The following PEX6 variants were observed in gnomAD, a reference collection of about 807,000 sequenced individuals.
PEX6 encodes peroxisome biogenesis factor 6.
PEX6 carries 55 observed loss-of-function variants against 85.6 expected under a neutral mutation model. The ratio of observed to expected loss-of-function variants is 0.64; its 90% CI spans 0.52 to 0.80. PEX6 has a LOEUF of 0.80. Ranked by LOEUF, PEX6 falls within the 30% of genes least tolerant of loss-of-function variation. The probability of loss-of-function intolerance (pLI) is 0.00; values close to 1 mark genes in which losing one functional copy is unlikely to be tolerated. For missense variants in PEX6, 1,099 were observed against 1,260.3 expected (o/e 0.87, Z 1.94); for synonymous variants, 519 against 549.1 (o/e 0.95, Z 0.77).
intron 5 of PEX6, 99 bp from the exon 6 acceptor site, chr6:42,969,084 T>C: frequency 1.2e-6 from 1 of 834,524 alleles, no homozygotes; most frequent in Non-Finnish European, 2.0e-6. Flanking sequence ...AGATACCCTG[T>C]TTTTCTCTCC....
At chr6:42,970,132 A>T in intron 3 of PEX6, 145 bp from the exon 4 acceptor site, 1 of 720,124 alleles carries the variant, frequency 1.4e-6, no homozygotes, top group Non-Finnish European at 2.5e-6. Flanking sequence ...ATGCAGATGG[A>T]CTTTCTCATC....
At chr6:42,973,225 T>C (rs1770132885) in intron 3 of PEX6, among the ~76,000 whole-genome samples, 1 of 151,970 alleles carries the variant, frequency 6.6e-6, no homozygotes, top group South Asian at 2.1e-4. Flanking sequence ...TTGGCCAGGC[T>C]GGTCTTGAAT....
At chr6:42,966,010 G>T in intron 12 of PEX6, 34 bp downstream of exon 12, 1 of 1,609,388 alleles carries the variant, frequency 6.2e-7, no homozygotes, top group Non-Finnish European at 8.5e-7. Flanking sequence ...GGTTTGGGAA[G>T]CATGGGACGC....
In PEX6 at chr6:42,964,200, G is replaced by T; in HGVS notation, c.*135C>A. 1.0e-6 allele frequency: 1 copy of T among 954,978 alleles called. No individual in the cohort carries two copies. The highest frequency in any genetic ancestry group is 1.6e-6 in the Non-Finnish European group (1 of 614,088). 59.2% of individuals were successfully genotyped at this position (954,978 alleles called of 1,614,324 possible). A position where few individuals can be genotyped will look rare whatever the true frequency, so the allele number is the denominator to read the frequency against. ...TGTCTCAATGCCACTTTGCACCCTG[G>T]GATCTCCTGGAGGGAGGTGGCCTCC... On this transcript the variant is annotated 3_prime_UTR_variant, in exon 17 of 17. Transcript: ENST00000304611. The surrounding 1 kb of genome is among the most constrained non-coding windows in gnomAD (Gnocchi z 4.6).
Position 42,979,180 on chromosome 6 carries a change from G to A in PEX6, c.-30C>T, listed in dbSNP as rs1319262743. The A allele has an allele frequency of 2.6e-6, 4 of 1,566,022 alleles. No individual in the cohort carries two copies. Among genetic ancestry groups the A allele is most frequent in the African/African-American group, 2.7e-5 (2 of 74,234 alleles). ...ACAGGACACCAACGAGGAGGGTGAA[G>A]GAGCGCAGCTTCCGGAGCCAGAGAG... is the stretch of plus-strand genomic sequence containing the variant. On this transcript the variant is annotated 5_prime_UTR_variant, in exon 1 of 17. Coordinates refer to ENST00000304611, the MANE Select transcript of PEX6 (RefSeq NM_000287.4).
chr6:42,970,615 G>C (rs1770028511), intron 3 of PEX6, among the ~76,000 whole-genome samples: 1 of 152,352 alleles, frequency 6.6e-6, no homozygotes, highest in East Asian at 1.9e-4. Context: ...GTTTCTTTTT[G>C]AGATGTTGAA....
At position 42,974,001 on chromosome 6, in the gene PEX6, A is replaced by G. The variant is rs1416001981; in HGVS notation, c.1130+2T>C. On this transcript the variant is annotated splice_donor_variant, in intron 3 of 16. Transcript: ENST00000304611. LOFTEE classifies it high-confidence loss of function. The stretch of plus-strand genomic sequence containing the variant: ...GCTGTAGGACAGAAGGCAGCTGCAT[A>G]CCTGGGCAGTTTCTCTGGACTTCCT... 1.4e-5 allele frequency: 23 copies of G among 1,610,038 alleles called. No individual in the cohort carries two copies. The highest frequency in any genetic ancestry group is 1.9e-5 in the Non-Finnish European group (22 of 1,176,384).
Position 42,965,745 on chromosome 6 carries a change from C to T in PEX6, c.2407G>A (p.Asp803Asn). ...CTTGGGGCCAAAGAGTCCAGTTCAT[C>T]AAAGAAGATAATGCATGGAGCTGCA... is the stretch of plus-strand genomic sequence containing the variant. Reference protein sequence around the residue: ...RAAAPCIIFFDELDSLAPSRG... With the variant: ...RAAAPCIIFFNELDSLAPSRG... Residue 803 changes from aspartate to asparagine, a missense_variant, in exon 13 of 17, where the codon GAT becomes AAT. Transcript: ENST00000304611. This position sits in a 1 kb window ranked among gnomAD's most constrained non-coding sequence, Gnocchi z 5.0. The T allele has an allele frequency of 1.9e-6, 3 of 1,614,054 alleles. No homozygotes were observed. Among genetic ancestry groups the T allele is most frequent in the Non-Finnish European group, 2.5e-6 (3 of 1,179,988 alleles).
rs1485203588 is a variant in PEX6 at position 42,966,346 on chromosome 6, G to C, written c.2196C>G (p.Ser732Arg). Reference sequence around the variant, plus strand: ...GAAGGCCTGAGCGTCTCAGGCCCAGGCTCAGTAGCTCAGGGTGCTCCAGGG... The same window carrying C: ...GAAGGCCTGAGCGTCTCAGGCCCAGCCTCAGTAGCTCAGGGTGCTCCAGGG... ...QLPLEHPELL[S>R]LGLRRSGLLL... Residue 732 changes from serine (S) to arginine (R), a missense_variant, in exon 11 of 17, where the codon AGC becomes AGG. Physicochemically the swap from Ser to Arg is moderately radical, Grantham distance 110 (BLOSUM62 -1). This residue lies in a region of PEX6 where 514 missense variants were observed against 627.0 expected (regional missense o/e 0.82). Transcript: ENST00000304611. 6.2e-7 allele frequency: 1 copy of C among 1,613,670 alleles called. No individual in the cohort carries two copies. The highest frequency in any genetic ancestry group is 1.7e-5 in the Admixed American group (1 of 60,004).
chr6:42,972,786 AAAG>A (rs200189441), intron 3 of PEX6, among the ~76,000 whole-genome samples: 2,591 of 141,806 alleles, frequency 0.018, 47 homozygotes, highest in South Asian at 0.028. Context: ...AAAAAAAAAA[AAAG>A]AGAAATCCCT....
chr6:42,964,401 T>C lies in PEX6; in HGVS notation c.2877A>G (p.Gln959=), dbSNP rs562040179. ...EDLLQAAARL[Q]PSVSEQELLR... is the part of the protein sequence containing the mutation. ...GCAGCTCCTGCTCACTGACTGAGGG[T>C]TGCAGCCGGGCGGCAGCCTGCAGCA... The change falls in exon 17 of 17, where the codon CAA becomes CAG. Residue 959 remains glutamine, a synonymous_variant. Transcript: ENST00000304611. This position sits in a 1 kb window ranked among gnomAD's most constrained non-coding sequence, Gnocchi z 4.6. 4 of 1,613,818 alleles carry C rather than the reference T, an allele frequency of 2.5e-6. No individual in the cohort carries two copies. Among genetic ancestry groups the C allele is most frequent in the Non-Finnish European group, 1.7e-6 (2 of 1,179,984 alleles).
rs762089817 is a variant in PEX6, at chr6:42,964,867, G to A, written c.2729C>T (p.Thr910Met). The A allele has an allele frequency of 1.4e-5, 22 of 1,613,990 alleles. No homozygotes were observed. The highest frequency in any genetic ancestry group is 3.3e-5 in the Admixed American group (2 of 59,990). ...GCAGAGAGAGTAGAGGTCCGCGCCCGTCAGCTGGGGAGGGCAGCAATCTAG... is the reference window on the plus strand; with the variant it reads ...GCAGAGAGAGTAGAGGTCCGCGCCCATCAGCTGGGGAGGGCAGCAATCTAG... ...NVLDCCPPQL[T>M]GADLYSLCSD... The change falls in exon 16 of 17, where the codon ACG becomes ATG. Residue 910 changes from threonine to methionine, a missense_variant. Around this residue, in one of 3 missense-constraint regions of PEX6, gnomAD observed 514 missense variants for 627.0 expected, o/e 0.82. Transcript: ENST00000304611. This position sits in a 1 kb window ranked among gnomAD's most constrained non-coding sequence, Gnocchi z 4.6.
chr6:42,964,536 G>T lies in PEX6; in HGVS notation c.2807-65C>A. On this transcript the variant is annotated intron_variant, in intron 16 of 16. Transcript: ENST00000304611. This position sits in a 1 kb window ranked among gnomAD's most constrained non-coding sequence, Gnocchi z 4.6. ...GGCAGGGGAGAGCCCTGCGAAGGTG[G>T]CTTCCTGCTCAGGGTCTCCTAGATG... 6.3e-7 allele frequency: 1 copy of T among 1,587,736 alleles called. No individual in the cohort carries two copies. Among genetic ancestry groups the T allele is most frequent in the East Asian group, 2.2e-5 (1 of 44,788 alleles).
chr6:42,969,647 T>G (rs370022650), intron 5 of PEX6, 21 bp downstream of exon 5: 1 of 1,611,830 alleles, frequency 6.2e-7, no homozygotes, highest in African/African-American at 1.3e-5. Flanking sequence ...TCTCACACCC[T>G]GGGGTGATGA....
At chr6:42,976,574 G>A (rs1770308766) in intron 1 of PEX6, among the ~76,000 whole-genome samples, 1 of 151,942 alleles carries the variant, frequency 6.6e-6, no homozygotes, top group Admixed American at 6.6e-5. Context: ...TGTAGGCCAG[G>A]CTGGTCTCGA....
Position 42,964,295 on chromosome 6 carries a change from T to G in PEX6, c.*40A>C. 6.2e-7 allele frequency: 1 copy of G among 1,611,472 alleles called. No homozygotes were observed. Among genetic ancestry groups the G allele is most frequent in the Non-Finnish European group, 8.5e-7 (1 of 1,178,512 alleles). ...TCTCTCTGTGGGCTATCAAGGTACC[T>G]GCAGCCATGCTGAGCGGGGTCCCAG... On this transcript the variant is annotated 3_prime_UTR_variant, in exon 17 of 17. Coordinates refer to ENST00000304611, the MANE Select transcript of PEX6 (RefSeq NM_000287.4). The surrounding 1 kb of genome is among the most constrained non-coding windows in gnomAD (Gnocchi z 4.6).
In PEX6 at chr6:42,965,348, G is replaced by A; in HGVS notation, c.2492C>T (p.Ala831Val). The change falls in exon 14 of 17, where the codon GCC becomes GTC. Residue 831 changes from alanine (A) to valine (V), a missense_variant. Physicochemically the swap from Ala to Val is moderately conservative, Grantham distance 64. Coordinates refer to ENST00000304611, the MANE Select transcript of PEX6 (RefSeq NM_000287.4). The surrounding 1 kb of genome is among the most constrained non-coding windows in gnomAD (Gnocchi z 5.0). The part of the protein sequence containing the change: ...VMDRVVSQLL[A>V]ELDGLHSTQD... ...AGTGCTGTGCAGCCCATCTAGCTCG[G>A]CAAGGAGCTGAGACACCACCCTGGA... The A allele has an allele frequency of 6.2e-7, 1 of 1,613,632 alleles. No homozygotes were observed. The highest frequency in any genetic ancestry group is 8.5e-7 in the Non-Finnish European group (1 of 1,179,724).
Position 42,978,790 on chromosome 6 carries a change from C to G in PEX6, c.361G>C (p.Gly121Arg), listed in dbSNP as rs1214546514. 1.3e-6 allele frequency: 2 copies of G among 1,534,166 alleles called. No homozygotes were observed. Among genetic ancestry groups the G allele is most frequent in the Admixed American group, 2.0e-5 (1 of 50,970 alleles). ...TCTCCGCGCCTCACCAGCAGCGGCC[C>G]GACTCGCGGTCCGAGCCCAGGCCCC... is the stretch of plus-strand genomic sequence containing the variant. ...SLGPGLGPRV[G>R]PLLVRRGETL... Residue 121 changes from glycine to arginine, a missense_variant, in exon 1 of 17, where the codon GGG (glycine) becomes CGG (arginine). Gly to Arg is a moderately radical substitution (Grantham distance 125). Coordinates refer to ENST00000304611, the MANE Select transcript of PEX6 (RefSeq NM_000287.4).
Position 42,974,101 on chromosome 6 carries a change from T to G in PEX6, c.1047-15A>C. The G allele has an allele frequency of 6.2e-7, 1 of 1,606,652 alleles. No individual in the cohort carries two copies. Among genetic ancestry groups the G allele is most frequent in the Non-Finnish European group, 8.5e-7 (1 of 1,173,274 alleles). Reference sequence around the variant, plus strand: ...CCTGGACTACCCTGCAACACAGCAGTGGCCCTGGTCAGGTCACAATGGGAG... The same window carrying G: ...CCTGGACTACCCTGCAACACAGCAGGGGCCCTGGTCAGGTCACAATGGGAG... On this transcript the variant is annotated splice_polypyrimidine_tract_variant and intron_variant, in intron 2 of 16. Coordinates refer to ENST00000304611, the MANE Select transcript of PEX6 (RefSeq NM_000287.4).
Sources: gnomAD v4.1 joint callset for allele counts (sites outside exome capture counted in the v4.1 genomes callset) on GRCh38, gnomAD v4.1.1 for gene constraint, gnomAD v4.1.1 regional missense constraint, Gnocchi (gnomAD v3.1) non-coding constraint, MANE v1.5 for transcripts, NCBI Gene and HGNC (gene_info 2026-07-23, HGNC 2026-07-21) for gene names.